Variants in GABRA2 observed in about 807,000 individuals in gnomAD.
The protein encoded by GABRA2 is gamma-aminobutyric acid type A receptor subunit alpha2, also known as gamma-aminobutyric acid receptor subunit alpha-2.
A neutral mutation model predicts 48.7 loss-of-function variants in GABRA2; 16 were observed. The ratio of observed to expected loss-of-function variants is 0.33; its 90% CI spans 0.22 to 0.50. GABRA2 has a LOEUF of 0.50. Ranked by LOEUF, GABRA2 falls within the 20% of genes least tolerant of loss-of-function variation. The pLI, the probability that GABRA2 is intolerant of heterozygous loss-of-function variation, is 0.98. For synonymous variants in GABRA2, 185 were observed against 184.5 expected, an observed-to-expected ratio of 1.00 and a Z score of -0.02; for missense variants, 275 against 535.6, an observed-to-expected ratio of 0.51 and a Z score of 4.80.
intron 8 of GABRA2, among the ~76,000 whole-genome samples, chr4:46,284,818 A>G (rs1722223890): frequency 5.9e-5 from 9 of 151,970 alleles, no homozygotes; most frequent in Admixed American, 5.9e-4. Context: ...ATTAATTAAA[A>G]AATTAAAGAG....
intron 4 of GABRA2, among the ~76,000 whole-genome samples, chr4:46,315,428 G>A (rs1353483934): frequency 2.0e-5 from 3 of 151,966 alleles, no homozygotes; most frequent in African/African-American, 4.8e-5. Context: ...GGTGTGCCCT[G>A]CCAATCTATC....
At chr4:46,317,399 TA>T (rs997383373) in intron 4 of GABRA2, among the ~76,000 whole-genome samples, 4 of 151,722 alleles carry the variant, frequency 2.6e-5, no homozygotes, top group Non-Finnish European at 5.9e-5. Context: ...ACTTTAAATA[TA>T]AAAATAAATG....
chr4:46,381,231 T>C (rs1032201209), intron 3 of GABRA2, among the ~76,000 whole-genome samples: 6 of 152,242 alleles, frequency 3.9e-5, no homozygotes, highest in Admixed American at 6.5e-5. Context: ...TCCAATGACC[T>C]ATAAAATTGA....
intron 3 of GABRA2, among the ~76,000 whole-genome samples, chr4:46,370,395 C>A (rs1479890947): frequency 6.6e-6 from 1 of 151,594 alleles, no homozygotes; most frequent in Non-Finnish European, 1.5e-5. Context: ...AGTAGAGGGA[C>A]AAAACAAACA....
At chr4:46,341,908 G>C (rs148357111) in intron 3 of GABRA2, among the ~76,000 whole-genome samples, 3 of 152,034 alleles carry the variant, frequency 2.0e-5, no homozygotes, top group African/African-American at 7.2e-5. Context: ...CCTGCTAACT[G>C]TTTTCATCAA....
chr4:46,346,003 T>G (rs570379706), intron 3 of GABRA2, among the ~76,000 whole-genome samples: 1 of 152,060 alleles, frequency 6.6e-6, no homozygotes, highest in Non-Finnish European at 1.5e-5. Context: ...TTGCTCATCT[T>G]GTATCATAAC....
chr4:46,278,162 C>G lies in GABRA2; in HGVS notation c.857-16034G>C, dbSNP rs539291012. On this transcript the variant is annotated intron_variant, in intron 8 of 9. Coordinates refer to ENST00000381620, the MANE Select transcript of GABRA2 (RefSeq NM_000807.4). ...AGAAAAACATACACACACACTTATACACACTCACACAATAGTTGGATCCAT... is the reference window on the plus strand; with the variant it reads ...AGAAAAACATACACACACACTTATAGACACTCACACAATAGTTGGATCCAT... Among the ~76,000 whole-genome samples the G allele has an allele frequency of 7.9e-5, 12 of 152,270 alleles. No homozygotes were observed. The South Asian group carries it at 2.5e-3, about 32-fold the overall frequency.
chr4:46,318,916 C>G (rs1728989120), intron 4 of GABRA2, among the ~76,000 whole-genome samples: 1 of 151,644 alleles, frequency 6.6e-6, no homozygotes. Flanking sequence ...AAATTCCTTA[C>G]AGGAAATTTA....
intron 3 of GABRA2, among the ~76,000 whole-genome samples, chr4:46,342,869 C>T (rs867046610): frequency 6.6e-6 from 1 of 151,914 alleles, no homozygotes; most frequent in South Asian, 2.1e-4. Context: ...GGCTTTGTTG[C>T]CCAAGCTGGC....
chr4:46,295,741 T>C (rs938264071), intron 8 of GABRA2, among the ~76,000 whole-genome samples: 2 of 152,206 alleles, frequency 1.3e-5, no homozygotes, highest in African/African-American at 4.8e-5. Flanking sequence ...TCAGCCCACC[T>C]ACCTGGTGGC....
At chr4:46,339,375 T>C (rs1386273324) in intron 3 of GABRA2, among the ~76,000 whole-genome samples, 2 of 151,796 alleles carry the variant, frequency 1.3e-5, no homozygotes, top group African/African-American at 4.8e-5. Flanking sequence ...ATCCTCCCAA[T>C]AGAAGTTAAG....
chr4:46,377,033 C>T (rs1025325557), intron 3 of GABRA2, among the ~76,000 whole-genome samples: 6 of 152,280 alleles, frequency 3.9e-5, no homozygotes, highest in East Asian at 3.9e-4. Flanking sequence ...TCATTCATTC[C>T]GTGCTCAATG....
Position 46,388,502 on chromosome 4 carries a change from T to C in GABRA2, c.71+134A>G, listed in dbSNP as rs866782057. ...GTTTTTACAGTCTATTACTTCATAG[T>C]TCACTTTCCCCATACACCCCCTTTT... On this transcript the variant is annotated intron_variant, in intron 2 of 9. Transcript: ENST00000381620. 19 of 1,032,494 alleles carry C rather than the reference T, an allele frequency of 1.8e-5. 1 individual carries two copies. Among genetic ancestry groups the C allele is most frequent in the South Asian group, 1.4e-4 (9 of 64,652 alleles). 64.0% of individuals were successfully genotyped at this position (1,032,494 alleles called of 1,614,324 possible). A position where few individuals can be genotyped will look rare whatever the true frequency, so the allele number is the denominator to read the frequency against.
intron 4 of GABRA2, among the ~76,000 whole-genome samples, chr4:46,321,337 T>G (rs561118202): frequency 6.6e-6 from 1 of 152,010 alleles, no homozygotes; most frequent in East Asian, 1.9e-4. Flanking sequence ...CGACTATAAT[T>G]ATTGTATACT....
rs749265538 is a variant in GABRA2, at chr4:46,323,342, G to A, written c.255+9273C>T. ...TAAACTCAACAAGCTCTTCCAATTCGTGCTAAAATACTGTTTTTCCATTGT... is the reference window on the plus strand; with the variant it reads ...TAAACTCAACAAGCTCTTCCAATTCATGCTAAAATACTGTTTTTCCATTGT... On this transcript the variant is annotated intron_variant, in intron 4 of 9. Coordinates refer to ENST00000381620, the MANE Select transcript of GABRA2 (RefSeq NM_000807.4). Among the ~76,000 whole-genome samples, 8 of 151,862 alleles carry A rather than the reference G, an allele frequency of 5.3e-5. 1 individual carries two copies. In the Middle Eastern group the frequency reaches 0.01, roughly 194 times the overall value.
chr4:46,315,149 T>G (rs574271536), intron 4 of GABRA2, among the ~76,000 whole-genome samples: 10 of 151,560 alleles, frequency 6.6e-5, no homozygotes, highest in African/African-American at 2.4e-4. Context: ...GTTTTTTTTT[T>G]TTTTCTAACT....
chr4:46,328,304 G>A (rs200164472), intron 4 of GABRA2, among the ~76,000 whole-genome samples: 2 of 150,022 alleles, frequency 1.3e-5, no homozygotes, highest in Non-Finnish European at 3.0e-5. Context: ...GTGCGCACAC[G>A]CATGTGTGTG....
intron 4 of GABRA2, among the ~76,000 whole-genome samples, chr4:46,327,210 T>C (rs1282615714): frequency 6.6e-6 from 1 of 151,974 alleles, no homozygotes; most frequent in African/African-American, 2.4e-5. Context: ...TAGCATAAAG[T>C]CAAATACCTT....
At chr4:46,358,275 A>G (rs1578161605) in intron 3 of GABRA2, among the ~76,000 whole-genome samples, 1 of 152,210 alleles carries the variant, frequency 6.6e-6, no homozygotes, top group Admixed American at 6.5e-5. Context: ...AAAATATTTT[A>G]CATCTTCTGA....
Sources: allele counts gnomAD v4.1 joint callset (sites outside exome capture counted in the v4.1 genomes callset), GRCh38; gene constraint gnomAD v4.1.1; transcripts MANE v1.5; gene names NCBI Gene and HGNC (gene_info 2026-07-23, HGNC 2026-07-21).